DYSF: variants seen among roughly 807,000 people sequenced by gnomAD.
The protein encoded by DYSF is dystrophy-associated fer-1-like 1.
In DYSF, 212 loss-of-function variants were observed where a neutral mutation model predicts 274.9. The observed-to-expected ratio is 0.77, with a 90% CI of 0.69 to 0.86. DYSF has a LOEUF of 0.86. Among genes scored for constraint, DYSF ranks in the 40% least tolerant of loss-of-function variants. The pLI, the probability that DYSF is intolerant of heterozygous loss-of-function variation, is 0.00. For synonymous variants in DYSF, 1,091 were observed against 1,078.7 expected (o/e 1.01, Z -0.22); for missense variants, 2,666 against 2,783.2 (o/e 0.96, Z 0.95).
chr2:71,641,548 CA>C (rs1200357064), intron 41 of DYSF, among the ~76,000 whole-genome samples: 2 of 152,116 alleles, frequency 1.3e-5, no homozygotes, highest in African/African-American at 4.8e-5. Flanking sequence ...TTTCTATTTA[CA>C]ATTTTCTTTG....
Position 71,466,774 on chromosome 2 carries a change from G to T in DYSF, c.-69G>T. On this transcript the variant is annotated 5_prime_UTR_variant, in exon 1 of 56. Transcript: ENST00000410020. ...CTGGGAGCCGGGCGCTTGCTGGGTG[G>T]GTGCTCGGGCCCGGTGCTCCCGCTC... The T allele has an allele frequency of 7.0e-7, 1 of 1,423,466 alleles. No individual in the cohort carries two copies. Among genetic ancestry groups the T allele is most frequent in the Non-Finnish European group, 9.3e-7 (1 of 1,079,770 alleles). The allele number at this position is 1,423,466 out of a possible 1,614,324, so 88.2% of individuals were successfully genotyped here. A position where few individuals can be genotyped will look rare whatever the true frequency, so the allele number is the denominator to read the frequency against.
intron 1 of DYSF, among the ~76,000 whole-genome samples, chr2:71,467,959 G>A (rs6738465): frequency 0.18 from 27,224 of 152,064 alleles, 2,666 homozygotes; most frequent in East Asian, 0.45. Context: ...GCACCCCCAA[G>A]ATAATGATAG....
intron 36 of DYSF, among the ~76,000 whole-genome samples, chr2:71,603,971 A>G (rs2093602432): frequency 6.6e-6 from 1 of 152,218 alleles, no homozygotes; most frequent in Non-Finnish European, 1.5e-5. Context: ...ACTGCAGCTC[A>G]TGGGCCAGAG....
At chr2:71,466,674 C>G, upstream of DYSF, 1 of 1,356,496 alleles carries the variant, frequency 7.4e-7, no homozygotes, top group Non-Finnish European at 9.5e-7. Context: ...GGTGTCCTCC[C>G]TGCAGCCTCT....
chr2:71,504,696 C>T (rs964936003), intron 4 of DYSF, among the ~76,000 whole-genome samples: 5 of 152,234 alleles, frequency 3.3e-5, no homozygotes, highest in Non-Finnish European at 7.3e-5. Flanking sequence ...ACCAGCATCT[C>T]TCCACTCCAG....
rs764593587 is a variant in DYSF at position 71,526,270 on chromosome 2, G to C, written c.1200G>C (p.Leu400=). ...ACAAGGAGGACATTGAAAGCAACCT[G>C]CTCCGGCCCACAGGCGTAGCCCTGC... The part of the protein sequence containing the change: ...SEDKEDIESN[L]LRPTGVALRG... Residue 400 remains leucine, a synonymous_variant, in exon 13 of 56, where the codon CTG becomes CTC. Transcript: ENST00000410020. The C allele has an allele frequency of 1.2e-6, 2 of 1,614,252 alleles. No homozygotes were observed. Among genetic ancestry groups the C allele is most frequent in the East Asian group, 2.2e-5 (1 of 44,874 alleles).
At chr2:71,618,268 T>TGTGTGTGTGGTAGAGGTG (rs2093968548) in intron 40 of DYSF, among the ~76,000 whole-genome samples, 1 of 24,348 alleles carries the variant, frequency 4.1e-5, no homozygotes, top group Non-Finnish European at 8.2e-5. Flanking sequence ...GTGGTAGAGG[T>TGTGTGTGTGGTAGAGGTG]GTGTGTGTGT....
At chr2:71,465,855 C>T (rs11695536), upstream of DYSF, among the ~76,000 whole-genome samples, 1 of 152,242 alleles carries the variant, frequency 6.6e-6, no homozygotes, top group East Asian at 1.9e-4. Context: ...ATAAGCGAAA[C>T]GACTGTCACC....
intron 41 of DYSF, among the ~76,000 whole-genome samples, chr2:71,622,457 A>G (rs1448602942): frequency 2.6e-5 from 4 of 152,184 alleles, no homozygotes; most frequent in African/African-American, 9.6e-5. Flanking sequence ...CCTTTTTCCA[A>G]ATACCATTTG....
intron 1 of DYSF, among the ~76,000 whole-genome samples, chr2:71,478,877 T>C (rs975373008): frequency 6.6e-6 from 1 of 152,062 alleles, no homozygotes; most frequent in Non-Finnish European, 1.5e-5. Context: ...CCCTCACCCC[T>C]TGCCTGCCTC....
intron 2 of DYSF, 29 bp downstream of exon 2, chr2:71,480,967 CTCTG>C (rs768228735): frequency 3.1e-6 from 5 of 1,606,816 alleles, no homozygotes; most frequent in East Asian, 2.2e-5. Context: ...TTCCTTTTCT[CTCTG>C]TCTGCTGCAG....
intron 42 of DYSF, among the ~76,000 whole-genome samples, chr2:71,650,267 A>C (rs59546242): frequency 0.018 from 2,694 of 152,218 alleles, 78 homozygotes; most frequent in African/African-American, 0.061. Context: ...GATCACTTGA[A>C]GTCAGGAGTT....
At chr2:71,478,255 A>G (rs2082557407) in intron 1 of DYSF, among the ~76,000 whole-genome samples, 1 of 147,554 alleles carries the variant, frequency 6.8e-6, no homozygotes, top group Non-Finnish European at 1.5e-5. Context: ...TCTGTCGCCC[A>G]GGCTGGAGTG....
At chr2:71,555,594 C>T (rs992196999) in intron 21 of DYSF, among the ~76,000 whole-genome samples, 2 of 152,094 alleles carry the variant, frequency 1.3e-5, no homozygotes, top group African/African-American at 4.8e-5. Context: ...AGAGAGGGTT[C>T]CAGGTGGGGA....
intron 4 of DYSF, among the ~76,000 whole-genome samples, chr2:71,504,545 G>A (rs894346658): frequency 3.9e-5 from 6 of 152,140 alleles, no homozygotes; most frequent in African/African-American, 1.2e-4. Context: ...AGGAGTTCTG[G>A]AACTACCCCT....
chr2:71,562,067 G>C (rs1417267978), intron 23 of DYSF, 123 bp downstream of exon 23: 2 of 1,375,876 alleles, frequency 1.5e-6, no homozygotes, highest in Non-Finnish European at 2.0e-6. Flanking sequence ...GGGTGACCTT[G>C]GGCAGGTGAC....
At chr2:71,536,794 A>T (rs1017109446) in intron 16 of DYSF, among the ~76,000 whole-genome samples, 4 of 152,192 alleles carry the variant, frequency 2.6e-5, no homozygotes, top group African/African-American at 4.8e-5. Flanking sequence ...TCTTGGCCAG[A>T]AAGCATTCTG....
In DYSF at chr2:71,616,913, T is replaced by C. The variant is rs180871756; in HGVS notation, c.4464+3503T>C. ...TAAAATTAAGGCCTTTGTTCACTAGTTGTTGTTGTTTTTTTATTAAGGCAG... is the reference window on the plus strand; with the variant it reads ...TAAAATTAAGGCCTTTGTTCACTAGCTGTTGTTGTTTTTTTATTAAGGCAG... On this transcript the variant is annotated intron_variant, in intron 40 of 55. Transcript: ENST00000410020. 5.4e-3 allele frequency among the ~76,000 whole-genome samples: 823 copies of C among 152,178 alleles called. 4 individuals carry two copies. Among genetic ancestry groups the C allele is most frequent in the Non-Finnish European group, 7.0e-3 (479 of 67,986 alleles).
At chr2:71,591,819 T>C (rs1365506457) in intron 32 of DYSF, among the ~76,000 whole-genome samples, 1 of 152,234 alleles carries the variant, frequency 6.6e-6, no homozygotes. Context: ...CTCCAGCAGC[T>C]GTGGCCCTCA....
Sources: allele counts gnomAD v4.1 joint callset (sites outside exome capture counted in the v4.1 genomes callset), GRCh38; gene constraint gnomAD v4.1.1; transcripts MANE v1.5; gene names NCBI Gene and HGNC (gene_info 2026-07-23, HGNC 2026-07-21).